Variants in RMND1 observed in about 807,000 individuals in gnomAD.
RMND1 encodes the protein required for meiotic nuclear division 1 homolog, also known as required for meiotic nuclear division protein 1 homolog.
RMND1 carries 41 observed loss-of-function variants against 54.0 expected under a neutral mutation model. The ratio of observed to expected loss-of-function variants is 0.76; its 90% CI spans 0.59 to 0.98. The LOEUF (loss-of-function observed/expected upper bound fraction) is 0.98, where lower values mean the gene tolerates loss of function less well. RMND1 is among the 50% of genes least tolerant of loss of function. RMND1 has a pLI of 0.00. For synonymous variants in RMND1, 183 were observed against 181.7 expected (o/e 1.01, Z -0.06); for missense variants, 457 against 532.0 (o/e 0.86, Z 1.39).
chr6:151,443,330 G>C (rs1364912597), intron 2 of RMND1, among the ~76,000 whole-genome samples: 2 of 151,404 alleles, frequency 1.3e-5, no homozygotes, highest in Admixed American at 6.6e-5. Context: ...CTCTTTTTTT[G>C]AGACAGAGTC....
At chr6:151,434,232 A>G (rs182807565) in intron 3 of RMND1, among the ~76,000 whole-genome samples, 2 of 152,180 alleles carry the variant, frequency 1.3e-5, no homozygotes, top group Admixed American at 6.5e-5. Context: ...TATCATAAGC[A>G]TATATTCCAT....
chr6:151,432,667 C>A (rs930103977), intron 4 of RMND1, among the ~76,000 whole-genome samples: 1 of 152,006 alleles, frequency 6.6e-6, no homozygotes. Context: ...AGTATTGAGT[C>A]GGCCTTTAGA....
chr6:151,428,585 G>A (rs1780370440), intron 5 of RMND1, among the ~76,000 whole-genome samples: 2 of 152,230 alleles, frequency 1.3e-5, no homozygotes, highest in South Asian at 4.1e-4. Context: ...AGGCTGGAGT[G>A]CAGTGATGCA....
chr6:151,433,536 G>A (rs1272105697), intron 3 of RMND1, among the ~76,000 whole-genome samples: 1 of 152,032 alleles, frequency 6.6e-6, no homozygotes, highest in East Asian at 1.9e-4. Context: ...AATTAATAAA[G>A]TCTTAGGTTC....
Position 151,451,428 on chromosome 6 carries a change from A to C in RMND1, c.-15+588T>G, listed in dbSNP as rs550476544. On this transcript the variant is annotated intron_variant, in intron 1 of 11. Transcript: ENST00000444024. The stretch of plus-strand genomic sequence containing the variant: ...ATCTTTTGAATCTTTTGAACCTTGC[A>C]TTGGGAGTGACAGACAAAACGAGGT... Among the ~76,000 whole-genome samples the C allele has an allele frequency of 9.0e-4, 137 of 152,328 alleles. 1 individual carries two copies. The highest frequency in any genetic ancestry group is 2.8e-3 in the African/African-American group (116 of 41,564).
intron 3 of RMND1, among the ~76,000 whole-genome samples, chr6:151,435,145 G>C (rs1242146544): frequency 6.7e-6 from 1 of 149,968 alleles, no homozygotes; most frequent in Non-Finnish European, 1.5e-5. Context: ...ATCACGCCCG[G>C]CCTATTTATT....
chr6:151,432,106 T>A lies in RMND1; in HGVS notation c.689+1049A>T, dbSNP rs1306816865. Among the ~76,000 whole-genome samples, 3 of 152,126 alleles carry A rather than the reference T, an allele frequency of 2.0e-5. No individual in the cohort carries two copies. In the East Asian group the frequency reaches 5.8e-4, roughly 29 times the overall value. On this transcript the variant is annotated intron_variant, in intron 4 of 11. Transcript: ENST00000444024. ...ACCCTCCACCATGTGCCTGGCTAAT[T>A]TTTTGTATTTTTAGTAGAGACAGGG...
At chr6:151,434,107 C>T (rs779678197) in intron 3 of RMND1, among the ~76,000 whole-genome samples, 1 of 152,066 alleles carries the variant, frequency 6.6e-6, no homozygotes, top group Non-Finnish European at 1.5e-5. Flanking sequence ...CCTTGGCCTC[C>T]CAAAGTGCAT....
At chr6:151,439,998 C>G (rs1247698393) in intron 2 of RMND1, among the ~76,000 whole-genome samples, 1 of 152,094 alleles carries the variant, frequency 6.6e-6, no homozygotes, top group East Asian at 1.9e-4. Flanking sequence ...CCTCTGTCGC[C>G]CAGGCGTGAG....
At chr6:151,410,308 G>A (rs1582941104) in intron 10 of RMND1, among the ~76,000 whole-genome samples, 1 of 152,028 alleles carries the variant, frequency 6.6e-6, no homozygotes, top group African/African-American at 2.4e-5. Context: ...GCCCTCCTTG[G>A]CCTCCCAAAA....
chr6:151,450,785 A>G (rs890010499), intron 1 of RMND1, among the ~76,000 whole-genome samples: 6 of 152,136 alleles, frequency 3.9e-5, no homozygotes, highest in Non-Finnish European at 2.9e-5. Context: ...GAAAAGATTG[A>G]GAAATCGGAT....
chr6:151,449,990 G>A (rs1027613200), intron 1 of RMND1, among the ~76,000 whole-genome samples: 2 of 152,172 alleles, frequency 1.3e-5, no homozygotes, highest in Admixed American at 6.5e-5. Flanking sequence ...GCGTGATCGA[G>A]GCTCGCTACA....
chr6:151,445,672 C>G lies in RMND1; in HGVS notation c.140G>C (p.Arg47Pro), dbSNP rs6934360. ...ENTTCSTLTI[R>P]QSLDLFLPDK... ...AGGAAGGAACAAATCCAAGCTTTGA[C>G]GTATTGTCAGTGTGCTGCATGTTGT... is the stretch of plus-strand genomic sequence containing the variant. The change falls in exon 2 of 12, where the codon CGT becomes CCT. Residue 47 changes from arginine (R) to proline (P), a missense_variant. Coordinates refer to ENST00000444024, the MANE Select transcript of RMND1 (RefSeq NM_017909.4). The G allele has an allele frequency of 3.7e-6, 6 of 1,613,986 alleles. No homozygotes were observed. Among genetic ancestry groups the G allele is most frequent in the Non-Finnish European group, 4.2e-6 (5 of 1,180,022 alleles).
chr6:151,450,820 A>G lies in RMND1; in HGVS notation c.-15+1196T>C, dbSNP rs186487041. ...TGGTTGCCGTGTCTGTGTAGAAAGAAGTAGACATGGGAGACTTTTCATTTT... is the reference window on the plus strand; with the variant it reads ...TGGTTGCCGTGTCTGTGTAGAAAGAGGTAGACATGGGAGACTTTTCATTTT... On this transcript the variant is annotated intron_variant, in intron 1 of 11. Transcript: ENST00000444024. Among the ~76,000 whole-genome samples the G allele has an allele frequency of 2.4e-4, 37 of 152,312 alleles. No individual in the cohort carries two copies. In the South Asian group the frequency reaches 2.5e-3, roughly 10 times the overall value.
At position 151,429,616 on chromosome 6, in the gene RMND1, C is replaced by A. The variant is rs754108158; in HGVS notation, c.729+522G>T. On this transcript the variant is annotated intron_variant, in intron 5 of 11. Transcript: ENST00000444024. ...TATTGCTCTGATGAACATTTTTGTA[C>A]AAAAATCATCACGAATAGTTATGAT... is the stretch of plus-strand genomic sequence containing the variant. Among the ~76,000 whole-genome samples the A allele has an allele frequency of 4.9e-4, 75 of 151,986 alleles. 1 individual carries two copies. The highest frequency in any genetic ancestry group is 4.7e-4 in the Non-Finnish European group (32 of 68,000).
chr6:151,430,966 A>G (rs988611095), intron 4 of RMND1, among the ~76,000 whole-genome samples: 8 of 152,196 alleles, frequency 5.3e-5, no homozygotes, highest in Non-Finnish European at 8.8e-5. Flanking sequence ...TGATAGAAAC[A>G]TAAGTATGAT....
intron 11 of RMND1, among the ~76,000 whole-genome samples, chr6:151,405,493 A>C (rs1426514831): frequency 6.6e-6 from 1 of 152,264 alleles, no homozygotes; most frequent in Non-Finnish European, 1.5e-5. Context: ...CTTTAAAAGC[A>C]GAACCTTGAG....
At chr6:151,450,546 G>A (rs1260779989) in intron 1 of RMND1, among the ~76,000 whole-genome samples, 4 of 141,590 alleles carry the variant, frequency 2.8e-5, no homozygotes, top group East Asian at 2.2e-4. Context: ...TCAGCCCCCC[G>A]CCCGGCCAGC....
rs1051607451 is a variant in RMND1 at position 151,424,928 on chromosome 6, C to A, written c.831-1297G>T. 4.6e-5 allele frequency among the ~76,000 whole-genome samples: 7 copies of A among 152,092 alleles called. 1 individual carries two copies. Among genetic ancestry groups the A allele is most frequent in the Admixed American group, 2.0e-4 (3 of 15,260 alleles). ...ACAGCCTCAGATGGAGGAAGGAAAG[C>A]AAAGACAGCAGTCACAAGAGGTCTT... On this transcript the variant is annotated intron_variant, in intron 6 of 11. Coordinates refer to ENST00000444024, the MANE Select transcript of RMND1 (RefSeq NM_017909.4).
Sources: gnomAD v4.1 joint callset for allele counts (sites outside exome capture counted in the v4.1 genomes callset) on GRCh38, gnomAD v4.1.1 for gene constraint, MANE v1.5 for transcripts, NCBI Gene and HGNC (gene_info 2026-07-23, HGNC 2026-07-21) for gene names.